The following GFPT1 variants were observed in gnomAD, a reference collection of about 807,000 sequenced individuals.
GFPT1 encodes the protein glutamine--fructose-6-phosphate transaminase 1, also known as glutamine--fructose-6-phosphate aminotransferase [isomerizing] 1.
GFPT1 carries 40 observed loss-of-function variants against 92.0 expected under a neutral mutation model. The ratio of observed to expected loss-of-function variants is 0.43; its 90% CI spans 0.34 to 0.57. The LOEUF is 0.57. GFPT1 is among the 20% of genes least tolerant of loss of function. The pLI is 0.02. For synonymous variants in GFPT1, 269 were observed against 280.6 expected (o/e 0.96, Z 0.41); for missense variants, 448 against 869.1 (o/e 0.52, Z 6.09).
At chr2:69,335,585 T>C (rs1670775102) in intron 15 of GFPT1, among the ~76,000 whole-genome samples, 1 of 152,134 alleles carries the variant, frequency 6.6e-6, no homozygotes, top group African/African-American at 2.4e-5. Context: ...AATCCTTAAG[T>C]GCTACTAAAG....
intron 1 of GFPT1, among the ~76,000 whole-genome samples, chr2:69,379,425 G>A (rs930647670): frequency 2.0e-5 from 3 of 152,202 alleles, no homozygotes; most frequent in Non-Finnish European, 2.9e-5. Context: ...AGGCTGAGGT[G>A]AGAGAATCAC....
chr2:69,352,375 G>A (rs187434337), intron 9 of GFPT1, among the ~76,000 whole-genome samples: 284 of 152,194 alleles, frequency 1.9e-3, no homozygotes, highest in Admixed American at 2.9e-3. Flanking sequence ...AGCACTTTGG[G>A]AGGCCGAGGT....
chr2:69,364,735 G>A (rs1671566080), intron 3 of GFPT1, among the ~76,000 whole-genome samples: 1 of 152,218 alleles, frequency 6.6e-6, no homozygotes, highest in South Asian at 2.1e-4. Flanking sequence ...GGTGGCTCAT[G>A]CCTGTAATCC....
chr2:69,358,410 C>G lies in GFPT1; in HGVS notation c.462G>C (p.Lys154Asn). 6.2e-7 allele frequency: 1 copy of G among 1,609,912 alleles called. No individual in the cohort carries two copies. The highest frequency in any genetic ancestry group is 8.5e-7 in the Non-Finnish European group (1 of 1,176,386). Residue 154 changes from lysine to asparagine, a missense_variant, in exon 6 of 20, where the codon AAG becomes AAC. Transcript: ENST00000357308. The stretch of plus-strand genomic sequence containing the variant: ...GATTGTCATACATATACTTAACGAG[C>G]TTGGCAATTGTCTCTGTGTCTGTTT... ...ESETDTETIAKLVKYMYDNRE... is the reference protein window; with the variant it reads ...ESETDTETIANLVKYMYDNRE...
Position 69,348,350 on chromosome 2 carries a change from G to C in GFPT1, c.846-16C>G, listed in dbSNP as rs1671132191. The C allele has an allele frequency of 6.3e-7, 1 of 1,591,450 alleles. No individual in the cohort carries two copies. The highest frequency in any genetic ancestry group is 8.6e-7 in the Non-Finnish European group (1 of 1,159,606). ...TATGACAGCACTATAAAGTTTTCAAGGAGATATTACAATCGATAACCAAGG... is the reference window on the plus strand; with the variant it reads ...TATGACAGCACTATAAAGTTTTCAACGAGATATTACAATCGATAACCAAGG... On this transcript the variant is annotated splice_polypyrimidine_tract_variant and intron_variant, in intron 10 of 19. Coordinates refer to ENST00000357308, the MANE Select transcript of GFPT1 (RefSeq NM_001244710.2).
At chr2:69,359,861 G>C (rs1446397765) in intron 4 of GFPT1, among the ~76,000 whole-genome samples, 1 of 152,168 alleles carries the variant, frequency 6.6e-6, no homozygotes, top group Admixed American at 6.5e-5. Context: ...ACTTGTTTGA[G>C]ATCCAAATAA....
chr2:69,365,203 C>T lies in GFPT1; in HGVS notation c.224-1533G>A, dbSNP rs552642370. Reference sequence around the variant, plus strand: ...CTAAATTAAGAGCAAACTGGCCGAGCACCACGGCTCATGCCTGTAATCCCA... The same window carrying T: ...CTAAATTAAGAGCAAACTGGCCGAGTACCACGGCTCATGCCTGTAATCCCA... On this transcript the variant is annotated intron_variant, in intron 3 of 19. Transcript: ENST00000357308. Among the ~76,000 whole-genome samples, 6 of 151,794 alleles carry T rather than the reference C, an allele frequency of 4.0e-5. No homozygotes were observed. In the South Asian group the frequency reaches 1.2e-3, roughly 32 times the overall value.
chr2:69,380,687 T>C (rs928181921), intron 1 of GFPT1, among the ~76,000 whole-genome samples: 27 of 152,332 alleles, frequency 1.8e-4, no homozygotes, highest in Admixed American at 2.0e-4. Flanking sequence ...CTACAATTTT[T>C]CATCATACTG....
intron 9 of GFPT1, 45 bp from the exon 10 acceptor site, chr2:69,350,228 A>G (rs769466225): frequency 8.3e-7 from 1 of 1,202,360 alleles, no homozygotes; most frequent in Non-Finnish European, 1.2e-6. Flanking sequence ...GTAGAAAATC[A>G]TGTCCAATGT....
Position 69,387,048 on chromosome 2 carries a change from G to A in GFPT1, c.7+17C>T. On this transcript the variant is annotated intron_variant, in intron 1 of 19. Transcript: ENST00000357308. ...AGCGCCACCCGGCAACACGCCCCCC[G>A]CTCCCGGCCCCCTTACCACACATGA... 1 of 1,527,004 alleles carries A rather than the reference G, an allele frequency of 6.5e-7. No homozygotes were observed. Among genetic ancestry groups the A allele is most frequent in the Non-Finnish European group, 8.8e-7 (1 of 1,137,482 alleles). 94.6% of individuals were successfully genotyped at this position (1,527,004 alleles called of 1,614,324 possible).
At chr2:69,332,484 T>C (rs906806413) in intron 15 of GFPT1, among the ~76,000 whole-genome samples, 5 of 151,680 alleles carry the variant, frequency 3.3e-5, no homozygotes, top group Non-Finnish European at 7.4e-5. Flanking sequence ...CGGCTAATTT[T>C]CTCGTGTTTT....
rs187928177 is a variant in GFPT1 at position 69,343,703 on chromosome 2, C to T, written c.1106-1454G>A. 4.7e-3 allele frequency among the ~76,000 whole-genome samples: 721 copies of T among 152,258 alleles called. 11 individuals are homozygous for T. The highest frequency in any genetic ancestry group is 0.011 in the Admixed American group (175 of 15,290). On this transcript the variant is annotated intron_variant, in intron 12 of 19. Coordinates refer to ENST00000357308, the MANE Select transcript of GFPT1 (RefSeq NM_001244710.2). ...CTGGGATTACAGGTGTCAGCCACCACGCCCAGCCAGTCCACCTTCTTTTTT... is the reference window on the plus strand; with the variant it reads ...CTGGGATTACAGGTGTCAGCCACCATGCCCAGCCAGTCCACCTTCTTTTTT...
chr2:69,331,893 ATTG>A (rs1558731346), intron 15 of GFPT1, among the ~76,000 whole-genome samples: 1 of 152,138 alleles, frequency 6.6e-6, no homozygotes, highest in East Asian at 1.9e-4. Flanking sequence ...GAAGGTAGTT[ATTG>A]TTATGTCTCA....
At chr2:69,357,181 G>A (rs918552337) in intron 6 of GFPT1, among the ~76,000 whole-genome samples, 10 of 152,152 alleles carry the variant, frequency 6.6e-5, no homozygotes, top group African/African-American at 1.4e-4. Context: ...TATCTATATC[G>A]TCATAATACT....
chr2:69,358,331 A>G lies in GFPT1; in HGVS notation c.541T>C (p.Leu181=), dbSNP rs780355781. Residue 181 remains leucine, a splice_region_variant and synonymous_variant, in exon 6 of 20, where the codon TTG becomes CTG. Transcript: ENST00000357308. ...TCTTTAAAAATGTGGCTTAATACCAATTGTTGGATAACTCTCTCCACCAAG... is the reference window on the plus strand; with the variant it reads ...TCTTTAAAAATGTGGCTTAATACCAGTTGTTGGATAACTCTCTCCACCAAG... The part of the protein sequence containing the change: ...TTLVERVIQQ[L]EGAFALVFKS... 2.5e-6 allele frequency: 4 copies of G among 1,611,840 alleles called. No homozygotes were observed. The highest frequency in any genetic ancestry group is 2.2e-5 in the South Asian group (2 of 91,002).
In GFPT1 at chr2:69,324,859, TG is replaced by T. The variant is rs1173633557; in HGVS notation, c.*1329del. On this transcript the variant is annotated 3_prime_UTR_variant, in exon 20 of 20. Coordinates refer to ENST00000357308, the MANE Select transcript of GFPT1 (RefSeq NM_001244710.2). ...ATTAAGAAATTATTACTCACAATTT[TG>T]GGGGTATCAAATAATAACATTCTAC... is the stretch of plus-strand genomic sequence containing the variant. 6.6e-6 allele frequency: 1 copy of T among 152,220 alleles called. No individual in the cohort carries two copies. Among genetic ancestry groups the T allele is most frequent in the Non-Finnish European group, 1.5e-5 (1 of 68,032 alleles). 9.4% of individuals were successfully genotyped at this position (152,220 alleles called of 1,614,324 possible).
intron 11 of GFPT1, 90 bp from the exon 12 acceptor site, chr2:69,346,089 G>C: frequency 1.3e-6 from 1 of 776,040 alleles, no homozygotes; most frequent in Non-Finnish European, 2.3e-6. Flanking sequence ...ATATAATCTT[G>C]GTAAATAAAA....
intron 1 of GFPT1, 29 bp from the exon 2 acceptor site, chr2:69,374,142 A>C: frequency 9.1e-7 from 1 of 1,100,996 alleles, no homozygotes; most frequent in South Asian, 1.3e-5. Context: ...TTAATGAAAA[A>C]TTCTGATTTA....
intron 15 of GFPT1, among the ~76,000 whole-genome samples, chr2:69,332,304 T>G (rs1375981508): frequency 4.0e-5 from 6 of 150,866 alleles, no homozygotes; most frequent in Non-Finnish European, 7.4e-5. Flanking sequence ...CTAGTCTTTC[T>G]TTTCTTTTCT....
Sources: allele counts gnomAD v4.1 joint callset (sites outside exome capture counted in the v4.1 genomes callset), GRCh38; gene constraint gnomAD v4.1.1; transcripts MANE v1.5; gene names NCBI Gene and HGNC (gene_info 2026-07-23, HGNC 2026-07-21).